Variants in ZBTB16 observed in about 807,000 individuals in gnomAD.
ZBTB16 encodes zinc finger and BTB domain containing 16, also known as zinc finger and BTB domain-containing protein 16.
ZBTB16 carries 8 observed loss-of-function variants against 56.8 expected under a neutral mutation model. The observed-to-expected ratio is 0.14, with a 90% confidence interval of 0.08 to 0.25. The LOEUF is 0.25. Among genes scored for constraint, ZBTB16 ranks in the 10% least tolerant of loss-of-function variants. The pLI is 1.00. For missense variants in ZBTB16, 625 were observed against 903.0 expected (o/e 0.69, Z 3.95); for synonymous variants, 363 against 368.5 (o/e 0.98, Z 0.17).
chr11:114,100,427 CT>C lies in ZBTB16; in HGVS notation c.1268+35861del, dbSNP rs1468934468. Among the ~76,000 whole-genome samples, 3 of 152,254 alleles carry C rather than the reference CT, an allele frequency of 2.0e-5. No individual in the cohort carries two copies. The East Asian group carries it at 5.8e-4, about 29-fold the overall frequency. ...GGGATTTAAGTAAAAATATTCTTTC[CT>C]TACCACCCTCTATGCCCCCTACTCC... On this transcript the variant is annotated intron_variant, in intron 2 of 6. Coordinates refer to ENST00000335953, the MANE Select transcript of ZBTB16 (RefSeq NM_006006.6).
intron 4 of ZBTB16, chr11:114,210,861 A>G: frequency 4.8e-6 from 1 of 210,176 alleles, no homozygotes; most frequent in Non-Finnish European, 9.7e-6. Flanking sequence ...TCTCCTCTGA[A>G]ACTAGCCTAG....
At chr11:114,084,872 C>T (rs1479039614) in intron 2 of ZBTB16, among the ~76,000 whole-genome samples, 1 of 152,222 alleles carries the variant, frequency 6.6e-6, no homozygotes, top group African/African-American at 2.4e-5. Context: ...TTTTAGTCAT[C>T]AAGCTAGCTC....
chr11:114,148,108 T>A (rs1942156293), intron 2 of ZBTB16, among the ~76,000 whole-genome samples: 1 of 152,214 alleles, frequency 6.6e-6, no homozygotes, highest in Admixed American at 6.5e-5. Context: ...CTTGAGCAGT[T>A]GCTGCAGGGA....
At chr11:114,207,668 C>T (rs1943913599) in intron 4 of ZBTB16, among the ~76,000 whole-genome samples, 1 of 152,066 alleles carries the variant, frequency 6.6e-6, no homozygotes. Context: ...GGCTGTAGTG[C>T]AGTGGCAAGA....
chr11:114,080,599 G>T (rs1387420156), intron 2 of ZBTB16, among the ~76,000 whole-genome samples: 2 of 152,196 alleles, frequency 1.3e-5, no homozygotes, highest in Non-Finnish European at 2.9e-5. Context: ...TTAAGGCCAG[G>T]TTGTGCTAAT....
chr11:114,233,081 G>GCACACACACACA (rs1198148768), intron 4 of ZBTB16, among the ~76,000 whole-genome samples: 15 of 87,556 alleles, frequency 1.7e-4, no homozygotes, highest in African/African-American at 6.1e-4. Context: ...GCGCGCGCGC[G>GCACACACACACA]CACACACACA....
chr11:114,251,035 G>C lies in ZBTB16; in HGVS notation c.*480G>C, dbSNP rs1297308710. Among the ~76,000 whole-genome samples, 1 of 152,164 alleles carries C rather than the reference G, an allele frequency of 6.6e-6. No individual in the cohort carries two copies. The highest frequency in any genetic ancestry group is 2.4e-5 in the African/African-American group (1 of 41,438). On this transcript the variant is annotated 3_prime_UTR_variant, in exon 7 of 7. Coordinates refer to ENST00000335953, the MANE Select transcript of ZBTB16 (RefSeq NM_006006.6). ...ATGGGTCTGGGCTGGGTCACTAGCT[G>C]CTCAAAATGGCAGCTCTAGTTTGCT...
At chr11:114,105,260 A>T (rs1421219627) in intron 2 of ZBTB16, among the ~76,000 whole-genome samples, 2 of 146,486 alleles carry the variant, frequency 1.4e-5, no homozygotes, top group Non-Finnish European at 3.0e-5. Flanking sequence ...TTTTTTTGAG[A>T]CGTGGAGTCT....
At chr11:114,095,984 TG>T (rs1193951372) in intron 2 of ZBTB16, among the ~76,000 whole-genome samples, 1 of 152,220 alleles carries the variant, frequency 6.6e-6, no homozygotes, top group African/African-American at 2.4e-5. Flanking sequence ...TACACAAAAT[TG>T]GCTTAGAATT....
chr11:114,099,300 G>A (rs993875989), intron 2 of ZBTB16, among the ~76,000 whole-genome samples: 2 of 152,034 alleles, frequency 1.3e-5, no homozygotes, highest in Non-Finnish European at 1.5e-5. Context: ...TCCCCATGAG[G>A]AGGAGATGTA....
rs1340898233 is a variant in ZBTB16, at chr11:114,143,781, G to A, written c.1269-12556G>A. ...AGGTGGCTTAGCAAATGCAGTCAGA[G>A]TCAAGGTTAAGAATCGATCTCTTCA... On this transcript the variant is annotated intron_variant, in intron 2 of 6. Coordinates refer to ENST00000335953, the MANE Select transcript of ZBTB16 (RefSeq NM_006006.6). This position sits in a 1 kb window ranked among gnomAD's most constrained non-coding sequence, Gnocchi z 6.4. 3.9e-5 allele frequency among the ~76,000 whole-genome samples: 6 copies of A among 152,340 alleles called. No homozygotes were observed. In the Middle Eastern group the frequency reaches 0.01, roughly 259 times the overall value.
At chr11:114,211,668 C>T (rs577228916) in intron 4 of ZBTB16, among the ~76,000 whole-genome samples, 1 of 152,356 alleles carries the variant, frequency 6.6e-6, no homozygotes, top group South Asian at 2.1e-4. Flanking sequence ...GCCCCATTTC[C>T]TGCTTGTCCT....
At chr11:114,127,406 T>G (rs1941537356) in intron 2 of ZBTB16, among the ~76,000 whole-genome samples, 1 of 152,140 alleles carries the variant, frequency 6.6e-6, no homozygotes, top group Non-Finnish European at 1.5e-5. Context: ...AACTCTGTAT[T>G]AAATAAGCCC....
At chr11:114,242,497 G>A (rs1198023215) in intron 5 of ZBTB16, among the ~76,000 whole-genome samples, 160 bp downstream of exon 5, 2 of 152,172 alleles carry the variant, frequency 1.3e-5, no homozygotes, top group Non-Finnish European at 2.9e-5. Flanking sequence ...GGTAAATGTG[G>A]ACAGTTCTCC....
chr11:114,177,823 A>G (rs1943153277), intron 3 of ZBTB16, among the ~76,000 whole-genome samples: 1 of 152,194 alleles, frequency 6.6e-6, no homozygotes, highest in Non-Finnish European at 1.5e-5. Flanking sequence ...TTTTGGAGAC[A>G]GAGTATCACT....
chr11:114,210,461 G>A (rs1276627382), intron 4 of ZBTB16, among the ~76,000 whole-genome samples: 2 of 152,142 alleles, frequency 1.3e-5, no homozygotes, highest in Non-Finnish European at 2.9e-5. Flanking sequence ...TCAGTGGGCG[G>A]GATCAGTACC....
At chr11:114,225,803 C>A (rs2135160431) in intron 4 of ZBTB16, among the ~76,000 whole-genome samples, 1 of 152,334 alleles carries the variant, frequency 6.6e-6, no homozygotes, top group East Asian at 1.9e-4. Flanking sequence ...CTTCACCCAG[C>A]CACTGGATCA....
At chr11:114,147,932 T>C (rs1050457994) in intron 2 of ZBTB16, among the ~76,000 whole-genome samples, 1 of 152,230 alleles carries the variant, frequency 6.6e-6, no homozygotes. Flanking sequence ...AAGATCATCC[T>C]ATAGCCCAGT....
chr11:114,245,701 A>G (rs1186277200), intron 5 of ZBTB16, among the ~76,000 whole-genome samples: 1 of 152,204 alleles, frequency 6.6e-6, no homozygotes, highest in Non-Finnish European at 1.5e-5. Flanking sequence ...ACATGGGGAT[A>G]ATGCAAAAAC....
Sources: gnomAD v4.1 joint callset for allele counts (sites outside exome capture counted in the v4.1 genomes callset) on GRCh38, gnomAD v4.1.1 for gene constraint, Gnocchi (gnomAD v3.1) non-coding constraint, MANE v1.5 for transcripts, NCBI Gene and HGNC (gene_info 2026-07-23, HGNC 2026-07-21) for gene names.